SNX10: variants seen among roughly 807,000 people sequenced by gnomAD.
The protein encoded by SNX10 is sorting nexin 10.
In SNX10, 25 loss-of-function variants were observed where a neutral mutation model predicts 28.5. The observed-to-expected ratio is 0.88, with a 90% confidence interval of 0.64 to 1.22. SNX10 has a LOEUF of 1.22. Ranked by LOEUF, SNX10 falls within the 50% of genes most tolerant of loss-of-function variation. The pLI is 0.00. For synonymous variants in SNX10, 62 were observed against 81.4 expected (o/e 0.76, Z 1.28); for missense variants, 223 against 242.6 (o/e 0.92, Z 0.54).
chr7:26,319,584 G>A (rs1787230744), intron 1 of SNX10, among the ~76,000 whole-genome samples: 2 of 152,158 alleles, frequency 1.3e-5, no homozygotes, highest in Non-Finnish European at 2.9e-5. Flanking sequence ...CAAACATATT[G>A]GTCTGGGCTT....
intron 1 of SNX10, among the ~76,000 whole-genome samples, chr7:26,333,035 G>A (rs1262556385): frequency 6.6e-6 from 1 of 152,070 alleles, no homozygotes; most frequent in Non-Finnish European, 1.5e-5. Context: ...TTCTTTTTCA[G>A]GATTGTTTTG....
chr7:26,335,732 A>ATTTTTTTTTTTTT (rs1554355773), intron 1 of SNX10, among the ~76,000 whole-genome samples: 6 of 112,434 alleles, frequency 5.3e-5, no homozygotes, highest in Admixed American at 9.4e-5. Flanking sequence ...CAGATGGAAT[A>ATTTTTTTTTTTTT]TTCTTTTTTT....
intron 1 of SNX10, among the ~76,000 whole-genome samples, chr7:26,342,569 G>A (rs1788223586): frequency 6.6e-6 from 1 of 152,054 alleles, no homozygotes; most frequent in Non-Finnish European, 1.5e-5. Flanking sequence ...TTACTATTCT[G>A]AGAGCATTAT....
intron 1 of SNX10, among the ~76,000 whole-genome samples, chr7:26,314,607 A>G (rs1786995051): frequency 6.6e-6 from 1 of 152,220 alleles, no homozygotes; most frequent in East Asian, 1.9e-4. Flanking sequence ...TTTCCGTAGT[A>G]TATGCAGTTC....
chr7:26,339,691 C>T lies in SNX10; in HGVS notation c.-23-6729C>T, dbSNP rs368905254. ...ATTACAGGGTAGCTGGGATTACAGG[C>T]GCCTGCCACCATGCCTGGCTAATTT... On this transcript the variant is annotated intron_variant, in intron 1 of 6. Transcript: ENST00000338523. Among the ~76,000 whole-genome samples, 307 of 151,780 alleles carry T rather than the reference C, an allele frequency of 2.0e-3. 2 individuals are homozygous for T. Among genetic ancestry groups the T allele is most frequent in the African/African-American group, 7.2e-3 (296 of 41,390 alleles).
At chr7:26,338,865 C>T (rs925530329) in intron 1 of SNX10, among the ~76,000 whole-genome samples, 3 of 152,290 alleles carry the variant, frequency 2.0e-5, no homozygotes, top group African/African-American at 7.2e-5. Flanking sequence ...CAGATTACCA[C>T]TCTGGGTGAT....
At chr7:26,336,846 G>A (rs1787964392) in intron 1 of SNX10, among the ~76,000 whole-genome samples, 1 of 152,140 alleles carries the variant, frequency 6.6e-6, no homozygotes, top group Non-Finnish European at 1.5e-5. Context: ...GCTTATGGAC[G>A]TTTAGGTTTC....
At chr7:26,369,210 A>G (rs1454847585) in intron 5 of SNX10, among the ~76,000 whole-genome samples, 1 of 152,178 alleles carries the variant, frequency 6.6e-6, no homozygotes, top group African/African-American at 2.4e-5. Context: ...GGTTTCTACA[A>G]ATGACATTTT....
intron 2 of SNX10, among the ~76,000 whole-genome samples, chr7:26,356,809 A>C (rs1056333666): frequency 5.3e-5 from 8 of 152,140 alleles, no homozygotes; most frequent in Non-Finnish European, 8.8e-5. Flanking sequence ...CCCAGATCTT[A>C]AACATTGCTC....
chr7:26,325,328 T>TA lies in SNX10; in HGVS notation c.-23-21092_-23-21091insA, dbSNP rs56716262. 1.1e-4 allele frequency among the ~76,000 whole-genome samples: 14 copies of TA among 123,116 alleles called. 1 individual carries two copies. The highest frequency in any genetic ancestry group is 1.6e-4 in the Non-Finnish European group (9 of 57,074). The allele number at this position is 123,116 out of a possible 152,430, so 80.8% of individuals were successfully genotyped here. ...CAAAATATATATATATATATATATA[T>TA]TTGAGATGGAGTCTCGCTGTGTTGC... On this transcript the variant is annotated intron_variant, in intron 1 of 6. Transcript: ENST00000338523.
At chr7:26,312,550 C>T (rs1584103006) in intron 1 of SNX10, among the ~76,000 whole-genome samples, 1 of 152,068 alleles carries the variant, frequency 6.6e-6, no homozygotes. Context: ...CTTTGGGAGG[C>T]CGAGGCTGTC....
chr7:26,297,092 T>G (rs1479068666), intron 1 of SNX10, among the ~76,000 whole-genome samples: 1 of 58,390 alleles, frequency 1.7e-5, no homozygotes, highest in Non-Finnish European at 4.2e-5. Flanking sequence ...AGAAGATGGT[T>G]TTAAAGAGCT....
intron 2 of SNX10, among the ~76,000 whole-genome samples, chr7:26,354,919 A>AT (rs548464262): frequency 0.072 from 10,406 of 145,082 alleles, 619 homozygotes; most frequent in South Asian, 0.34. Context: ...ATTTTCTTTG[A>AT]TTTTTTTTTT....
chr7:26,372,597 T>C lies in SNX10; in HGVS notation c.*25T>C, dbSNP rs1369077097. The C allele has an allele frequency of 7.5e-7, 1 of 1,327,298 alleles. No homozygotes were observed. Among genetic ancestry groups the C allele is most frequent in the Non-Finnish European group, 1.1e-6 (1 of 918,952 alleles). 82.2% of individuals were successfully genotyped at this position (1,327,298 alleles called of 1,614,324 possible). A position where few individuals can be genotyped will look rare whatever the true frequency, so the allele number is the denominator to read the frequency against. The stretch of plus-strand genomic sequence containing the variant: ...AAAAATAATTCTAATGTTACTATCT[T>C]AGGAATAGCAAATTATGTCCAGTCA... On this transcript the variant is annotated 3_prime_UTR_variant, in exon 7 of 7. Coordinates refer to ENST00000338523, the MANE Select transcript of SNX10 (RefSeq NM_013322.3).
At chr7:26,297,639 TC>T (rs1459179287) in intron 1 of SNX10, among the ~76,000 whole-genome samples, 1 of 152,164 alleles carries the variant, frequency 6.6e-6, no homozygotes, top group Non-Finnish European at 1.5e-5. Context: ...CTTCCTTCTT[TC>T]CTCACATCTT....
intron 1 of SNX10, among the ~76,000 whole-genome samples, chr7:26,326,196 T>C (rs978985339): frequency 2.0e-5 from 3 of 152,214 alleles, no homozygotes; most frequent in African/African-American, 7.2e-5. Context: ...CTTCCCTTGC[T>C]TTTTTAGTTT....
At chr7:26,323,133 C>A (rs1787369656) in intron 1 of SNX10, among the ~76,000 whole-genome samples, 1 of 151,916 alleles carries the variant, frequency 6.6e-6, no homozygotes, top group African/African-American at 2.4e-5. Context: ...GCCTGTAGTG[C>A]CAGCTACTTG....
Position 26,373,370 on chromosome 7 carries a change from A to G in SNX10, c.*798A>G, listed in dbSNP as rs1789651285. On this transcript the variant is annotated 3_prime_UTR_variant, in exon 7 of 7. Transcript: ENST00000338523. This position sits in a 1 kb window ranked among gnomAD's most constrained non-coding sequence, Gnocchi z 4.2. ...GATTTATTTTTTGACTAAATGTGCA[A>G]TTTCTTATCACTAGATAACTTTCAG... The G allele has an allele frequency of 6.6e-6, 1 of 152,046 alleles. No individual in the cohort carries two copies. Among genetic ancestry groups the G allele is most frequent in the African/African-American group, 2.4e-5 (1 of 41,440 alleles). The allele number at this position is 152,046 out of a possible 1,614,324, so 9.4% of individuals were successfully genotyped here. A position where few individuals can be genotyped will look rare whatever the true frequency, so the allele number is the denominator to read the frequency against.
At chr7:26,320,133 C>G (rs1267292456) in intron 1 of SNX10, among the ~76,000 whole-genome samples, 2 of 151,824 alleles carry the variant, frequency 1.3e-5, no homozygotes, top group Admixed American at 1.3e-4. Context: ...AGGTGCCCAC[C>G]AGCACAACCG....
Sources: allele counts gnomAD v4.1 joint callset (sites outside exome capture counted in the v4.1 genomes callset), GRCh38; gene constraint gnomAD v4.1.1; non-coding constraint Gnocchi (gnomAD v3.1); transcripts MANE v1.5; gene names NCBI Gene and HGNC (gene_info 2026-07-23, HGNC 2026-07-21).